Variants in SEC16A observed in about 807,000 individuals in gnomAD.
SEC16A encodes the protein SEC16 homolog A, endoplasmic reticulum export factor.
Under a neutral mutation model 221.9 loss-of-function variants are expected in SEC16A, and 110 were observed. The observed-to-expected ratio is 0.50, with a 90% CI of 0.42 to 0.58. SEC16A has a LOEUF of 0.58. SEC16A is among the 20% of genes least tolerant of loss of function. The pLI is 0.00. For missense variants in SEC16A, 3,165 were observed against 3,097.8 expected, an observed-to-expected ratio of 1.02 and a Z score of -0.52; for synonymous variants, 1,393 against 1,257.7, an observed-to-expected ratio of 1.11 and a Z score of -2.28.
Position 136,441,336 on chromosome 9 carries a change from G to A in SEC16A, c.*419C>T, listed in dbSNP as rs539774055. 6 of 232,464 alleles carry A rather than the reference G, an allele frequency of 2.6e-5. No individual in the cohort carries two copies. The highest frequency in any genetic ancestry group is 4.4e-5 in the Non-Finnish European group (5 of 113,016). 14.4% of individuals were successfully genotyped at this position (232,464 alleles called of 1,614,324 possible). ...TTGCTCCCAGCACCTTAAAGGAAGC[G>A]CGGGACTCACTGGGCAGTGACTCAC... is the stretch of plus-strand genomic sequence containing the variant. On this transcript the variant is annotated 3_prime_UTR_variant, in exon 32 of 32. Transcript: ENST00000684901.
At chr9:136,484,723 T>C, upstream of SEC16A, 1 of 1,366,720 alleles carries the variant, frequency 7.3e-7, no homozygotes, top group Non-Finnish European at 9.8e-7. Flanking sequence ...CCGGCTGACG[T>C]GGCACCAGGG....
At chr9:136,443,948 G>T in intron 30 of SEC16A, 48 bp from the exon 31 acceptor site, 1 of 1,395,354 alleles carries the variant, frequency 7.2e-7, no homozygotes, top group Non-Finnish European at 9.8e-7. Flanking sequence ...CTGCACAGCA[G>T]CTGTCACTTC....
intron 23 of SEC16A, chr9:136,448,513 C>T (rs765079115): frequency 2.4e-5 from 17 of 708,842 alleles, no homozygotes; most frequent in South Asian, 2.4e-4. Context: ...ACAGAGACAC[C>T]AGGAGGATGG....
chr9:136,450,528 GA>G (rs1218769774), intron 23 of SEC16A, among the ~76,000 whole-genome samples: 1 of 151,872 alleles, frequency 6.6e-6, no homozygotes, highest in Non-Finnish European at 1.5e-5. Context: ...TGCCCCAAAA[GA>G]GTGGTGAGAT....
chr9:136,455,978 C>A, intron 19 of SEC16A, 75 bp downstream of exon 19: 1 of 1,304,112 alleles, frequency 7.7e-7, no homozygotes, highest in Non-Finnish European at 1.1e-6. Flanking sequence ...CAGATACATA[C>A]TTTCAGTGTG....
At chr9:136,448,183 A>G in intron 23 of SEC16A, 22 bp from the exon 24 acceptor site, 1 of 1,593,706 alleles carries the variant, frequency 6.3e-7, no homozygotes, top group Non-Finnish European at 8.6e-7. Context: ...AAACACGAGA[A>G]CAACTTTGAA....
At chr9:136,452,827 C>CTT (rs1277125359) in intron 22 of SEC16A, among the ~76,000 whole-genome samples, 1 of 143,824 alleles carries the variant, frequency 7.0e-6, no homozygotes, top group East Asian at 2.1e-4. Context: ...AATCCCAGCA[C>CTT]TTTGGGAGGC....
chr9:136,476,431 A>G lies in SEC16A; in HGVS notation c.1185T>C (p.Ser395=), dbSNP rs1006835815. ...ENLSSEKAGL[S]GQADFDDFCS... ...AGAAATCGTCAAAGTCCGCTTGACC[A>G]GATAAGCCTGCTTTTTCAGATGAGA... Residue 395 remains serine, a synonymous_variant, in exon 3 of 32, where the codon TCT becomes TCC. Transcript: ENST00000684901. 1 of 1,613,072 alleles carries G rather than the reference A, an allele frequency of 6.2e-7. No homozygotes were observed. The highest frequency in any genetic ancestry group is 8.5e-7 in the Non-Finnish European group (1 of 1,179,834).
intron 31 of SEC16A, among the ~76,000 whole-genome samples, chr9:136,443,188 A>T (rs1836442634): frequency 6.6e-6 from 1 of 152,174 alleles, no homozygotes; most frequent in Non-Finnish European, 1.5e-5. Flanking sequence ...ACAACCTAGG[A>T]AAAGGCAAAG....
At position 136,441,177 on chromosome 9, in the gene SEC16A, C is replaced by T. The variant is rs1427457882; in HGVS notation, c.*578G>A. 2 of 153,436 alleles carry T rather than the reference C, an allele frequency of 1.3e-5. No individual in the cohort carries two copies. The highest frequency in any genetic ancestry group is 4.8e-5 in the African/African-American group (2 of 41,452). 9.5% of individuals were successfully genotyped at this position (153,436 alleles called of 1,614,324 possible). On this transcript the variant is annotated 3_prime_UTR_variant, in exon 32 of 32. Transcript: ENST00000684901. ...TCTCTCAAAAACCGTGAACTAATGC[C>T]GAAGGAACCCCACGGCTCCTCGGAG...
At chr9:136,443,521 A>G (rs1473781648) in intron 31 of SEC16A, among the ~76,000 whole-genome samples, 2 of 152,162 alleles carry the variant, frequency 1.3e-5, no homozygotes, top group African/African-American at 4.8e-5. Flanking sequence ...CGTCTCTACA[A>G]AACATAAAAA....
Position 136,459,969 on chromosome 9 carries a change from T to C in SEC16A, c.5073+73A>G, listed in dbSNP as rs1588936611. 2 of 1,540,962 alleles carry C rather than the reference T, an allele frequency of 1.3e-6. No individual in the cohort carries two copies. Among genetic ancestry groups the C allele is most frequent in the East Asian group, 2.4e-5 (1 of 42,274 alleles). On this transcript the variant is annotated intron_variant, in intron 14 of 31. Coordinates refer to ENST00000684901, the MANE Select transcript of SEC16A (RefSeq NM_014866.2). This position sits in a 1 kb window ranked among gnomAD's most constrained non-coding sequence, Gnocchi z 6.1. ...GGCTCACCAGGCACCTCACGGCCTG[T>C]GACAGCGTCACCCACGAGCAAACTC... is the stretch of plus-strand genomic sequence containing the variant.
At chr9:136,453,383 G>T in intron 22 of SEC16A, 45 bp downstream of exon 22, 1 of 1,467,804 alleles carries the variant, frequency 6.8e-7, no homozygotes, top group South Asian at 1.1e-5. Context: ...CCCACTCGAT[G>T]AACTTTATGG....
chr9:136,464,695 G>A (rs1839927731), intron 8 of SEC16A, 133 bp from the exon 9 acceptor site: 3 of 788,650 alleles, frequency 3.8e-6, no homozygotes, highest in Non-Finnish European at 6.0e-6. Flanking sequence ...TCAAAAGTCG[G>A]TAATTGTTTA....
chr9:136,447,446 A>G lies in SEC16A; in HGVS notation c.6560-82T>C. On this transcript the variant is annotated intron_variant, in intron 26 of 31. Coordinates refer to ENST00000684901, the MANE Select transcript of SEC16A (RefSeq NM_014866.2). This position sits in a 1 kb window ranked among gnomAD's most constrained non-coding sequence, Gnocchi z 5.5. ...AAATGCTCTGCGCTCACTGCGTCAGAGGAAAAGCACGCAGGGACGTGCGGG... is the reference window on the plus strand; with the variant it reads ...AAATGCTCTGCGCTCACTGCGTCAGGGGAAAAGCACGCAGGGACGTGCGGG... 3 of 1,571,480 alleles carry G rather than the reference A, an allele frequency of 1.9e-6. No individual in the cohort carries two copies. The South Asian group carries it at 3.5e-5, about 18-fold the overall frequency.
rs1159218541 is a variant in SEC16A at position 136,447,180 on chromosome 9, AG to A, written c.6697+46del. The A allele has an allele frequency of 6.4e-7, 1 of 1,566,726 alleles. No homozygotes were observed. Among genetic ancestry groups the A allele is most frequent in the Admixed American group, 1.9e-5 (1 of 52,802 alleles). Reference sequence around the variant, plus strand: ...ACTCATAGAAAGAGGATCAAAGGTCAGGAGACTGGGGGCTGACCTGGAGGGG... The same window carrying A: ...ACTCATAGAAAGAGGATCAAAGGTCAGAGACTGGGGGCTGACCTGGAGGGG... On this transcript the variant is annotated intron_variant, in intron 27 of 31. Transcript: ENST00000684901. This position sits in a 1 kb window ranked among gnomAD's most constrained non-coding sequence, Gnocchi z 5.5.
Position 136,446,858 on chromosome 9 carries a change from GGGCTCTGGGGCA to G in SEC16A, c.6777_6788del (p.Ala2260_Pro2263del). On this transcript the variant is annotated inframe_deletion, in exon 28 of 32. Coordinates refer to ENST00000684901, the MANE Select transcript of SEC16A (RefSeq NM_014866.2). ...CTTTCCCACCGTACCCGCTCACCTT[GGGCTCTGGGGCA>G]GGCTCTGGATTGGCCAGGCCCCTAG... 6.2e-7 allele frequency: 1 copy of G among 1,603,488 alleles called. No individual in the cohort carries two copies. Among genetic ancestry groups the G allele is most frequent in the Non-Finnish European group, 8.5e-7 (1 of 1,176,278 alleles).
At chr9:136,453,543 A>C (rs779316125) in intron 21 of SEC16A, 33 bp from the exon 22 acceptor site, 81 of 1,546,922 alleles carry the variant, frequency 5.2e-5, no homozygotes, top group Non-Finnish European at 6.6e-5. Flanking sequence ...CTATGATCTC[A>C]GTCACGAGAA....
intron 1 of SEC16A, among the ~76,000 whole-genome samples, chr9:136,479,631 C>CGTGA (rs1241629980): frequency 3.3e-5 from 5 of 152,232 alleles, no homozygotes; most frequent in Non-Finnish European, 4.4e-5. Context: ...GGATTACAGG[C>CGTGA]GTGAGCCACC....
Sources: gnomAD v4.1 joint callset for allele counts (sites outside exome capture counted in the v4.1 genomes callset) on GRCh38, gnomAD v4.1.1 for gene constraint, Gnocchi (gnomAD v3.1) non-coding constraint, MANE v1.5 for transcripts, NCBI Gene and HGNC (gene_info 2026-07-23, HGNC 2026-07-21) for gene names.